PANK1: variants seen among roughly 807,000 people sequenced by gnomAD.
The protein encoded by PANK1 is pantothenate kinase 1.
A neutral mutation model predicts 40.1 loss-of-function variants in PANK1; 18 were observed. The ratio of observed to expected loss-of-function variants is 0.45; its 90% CI spans 0.31 to 0.67. The LOEUF is 0.67. PANK1 is among the 30% of genes least tolerant of loss of function. PANK1 has a pLI of 0.06. For synonymous variants in PANK1, 242 were observed against 237.7 expected, an observed-to-expected ratio of 1.02 and a Z score of -0.17; for missense variants, 457 against 599.6, an observed-to-expected ratio of 0.76 and a Z score of 2.48.
Position 89,588,793 on chromosome 10 carries a change from A to G in PANK1, c.1201-16T>C. The G allele has an allele frequency of 6.4e-7, 1 of 1,562,740 alleles. No individual in the cohort carries two copies. Among genetic ancestry groups the G allele is most frequent in the African/African-American group, 1.4e-5 (1 of 72,780 alleles). ...TGTCTATGTTCTGGAAAAAATATTAAAGAAAACAATTGAATCATGGCATAA... is the reference window on the plus strand; with the variant it reads ...TGTCTATGTTCTGGAAAAAATATTAGAGAAAACAATTGAATCATGGCATAA... On this transcript the variant is annotated splice_polypyrimidine_tract_variant and intron_variant, in intron 5 of 6. Transcript: ENST00000307534.
At chr10:89,589,115 T>C (rs894247353) in intron 5 of PANK1, among the ~76,000 whole-genome samples, 2 of 152,188 alleles carry the variant, frequency 1.3e-5, no homozygotes, top group Non-Finnish European at 2.9e-5. Context: ...AATTTTCATG[T>C]GTAATACCTC....
At chr10:89,598,797 A>T (rs1227117815) in intron 3 of PANK1, among the ~76,000 whole-genome samples, 1 of 151,224 alleles carries the variant, frequency 6.6e-6, no homozygotes, top group South Asian at 2.1e-4. Flanking sequence ...GGCTGAGGGT[A>T]AAAAAACATT....
chr10:89,609,019 G>T (rs1054277158), intron 2 of PANK1, among the ~76,000 whole-genome samples: 3 of 152,164 alleles, frequency 2.0e-5, no homozygotes, highest in South Asian at 2.1e-4. Context: ...CTTTGCCCTG[G>T]TTTTTTCCCT....
chr10:89,644,021 C>T, intron 1 of PANK1: 1 of 380,520 alleles, frequency 2.6e-6, no homozygotes, highest in Non-Finnish European at 4.4e-6. Context: ...GTGTGTCCCT[C>T]CCAAAAAACC....
intron 1 of PANK1, chr10:89,625,686 A>G (rs1260438648): frequency 6.6e-6 from 1 of 152,018 alleles, no homozygotes; most frequent in African/African-American, 2.4e-5. Context: ...AAATAGAAAC[A>G]CCAACATGAA....
chr10:89,588,442 AAAATT>A lies in PANK1; in HGVS notation c.1326+205_1326+209del, dbSNP rs563285608. On this transcript the variant is annotated intron_variant, in intron 6 of 6. Coordinates refer to ENST00000307534, the MANE Select transcript of PANK1 (RefSeq NM_148977.3). ...ATTTACATTTCCAGTGACTTTTTAAAAAATTAAATTAACCAACTACCAGTCCTGGT... is the reference window on the plus strand; with the variant it reads ...ATTTACATTTCCAGTGACTTTTTAAAAAATTAACCAACTACCAGTCCTGGT... 5.0e-3 allele frequency among the ~76,000 whole-genome samples: 764 copies of A among 152,328 alleles called. 5 individuals carry two copies. The highest frequency in any genetic ancestry group is 6.5e-3 in the Non-Finnish European group (440 of 68,016).
intron 1 of PANK1, among the ~76,000 whole-genome samples, chr10:89,635,995 G>A (rs1841793687): frequency 6.6e-6 from 1 of 152,228 alleles, no homozygotes; most frequent in Non-Finnish European, 1.5e-5. Flanking sequence ...CAGGTAGGCA[G>A]GCCTACCCCT....
rs1330533661 is a variant in PANK1, at chr10:89,644,841, C to A, written c.51G>T (p.Gly17=). The A allele has an allele frequency of 1.4e-6, 2 of 1,469,606 alleles. No homozygotes were observed. Among genetic ancestry groups the A allele is most frequent in the Non-Finnish European group, 8.9e-7 (1 of 1,118,332 alleles). The allele number at this position is 1,469,606 out of a possible 1,614,324, so 91.0% of individuals were successfully genotyped here. The change falls in exon 1 of 7, where the codon GGG becomes GGT. Residue 17 remains glycine (G), a synonymous_variant. Coordinates refer to ENST00000307534, the MANE Select transcript of PANK1 (RefSeq NM_148977.3). ...CGGCGGCGCTGGTGCCCACGGGGGC[C>A]CCTGGAGAGTGCGGGACCGAGCGCT... is the stretch of plus-strand genomic sequence containing the variant. ...QQERSVPHSP[G]APVGTSAAAV...
rs772952490 is a variant in PANK1 at position 89,645,172 on chromosome 10, C to A, written c.-281G>T. The A allele has an allele frequency of 4.5e-6, 7 of 1,557,562 alleles. No homozygotes were observed. The highest frequency in any genetic ancestry group is 8.7e-7 in the Non-Finnish European group (1 of 1,155,472). ...GATCCCCGCGCACCCCCAGCCGGGG[C>A]TCCCGCCGCCCGCCTTCCCCTGATC... On this transcript the variant is annotated 5_prime_UTR_variant, in exon 1 of 7. Coordinates refer to ENST00000307534, the MANE Select transcript of PANK1 (RefSeq NM_148977.3).
rs1164847314 is a variant in PANK1 at position 89,588,683 on chromosome 10, C to T, written c.1295G>A (p.Gly432Glu). 1 of 1,605,182 alleles carries T rather than the reference C, an allele frequency of 6.2e-7. No individual in the cohort carries two copies. The highest frequency in any genetic ancestry group is 2.2e-5 in the East Asian group (1 of 44,456). ...TTCCAAAAACAGAGCTTTCAGTTGT[C>T]CTTTGGACCAAAAATCCATGGCATA... ...LAYAMDFWSK[G>E]QLKALFLEHE... The change falls in exon 6 of 7, where the codon GGA becomes GAA. Residue 432 changes from glycine to glutamate, a missense_variant. Physicochemically the swap from Gly to Glu is moderately conservative, Grantham distance 98. Transcript: ENST00000307534.
chr10:89,613,863 G>A (rs745745673), intron 1 of PANK1: 1 of 414,666 alleles, frequency 2.4e-6, no homozygotes, highest in Non-Finnish European at 4.8e-6. Context: ...TAAAGCCCCA[G>A]ACTGGGATTC....
At chr10:89,634,815 A>C (rs919894303) in intron 1 of PANK1, among the ~76,000 whole-genome samples, 2 of 152,190 alleles carry the variant, frequency 1.3e-5, no homozygotes, top group Non-Finnish European at 2.9e-5. Context: ...CTTATTCACT[A>C]ATTTGCCAGC....
chr10:89,619,566 G>A (rs1448551269), intron 1 of PANK1, among the ~76,000 whole-genome samples: 3 of 152,130 alleles, frequency 2.0e-5, no homozygotes, highest in Non-Finnish European at 2.9e-5. Flanking sequence ...TGTTCCTGGC[G>A]AGTGTTCCTG....
chr10:89,628,149 A>G (rs1025643316), intron 1 of PANK1, among the ~76,000 whole-genome samples: 15 of 152,252 alleles, frequency 9.9e-5, no homozygotes, highest in Non-Finnish European at 7.3e-5. Context: ...AAGAGTTACT[A>G]TATGATCTAG....
At chr10:89,601,699 T>C in intron 2 of PANK1, among the ~76,000 whole-genome samples, 1 of 152,226 alleles carries the variant, frequency 6.6e-6, no homozygotes, top group Non-Finnish European at 1.5e-5. Context: ...ACATTCTAAA[T>C]GACCCATGGT....
intron 2 of PANK1, among the ~76,000 whole-genome samples, chr10:89,606,500 A>G (rs1844969744): frequency 6.6e-6 from 1 of 151,988 alleles, no homozygotes; most frequent in African/African-American, 2.4e-5. Flanking sequence ...TCACAAACCA[A>G]CAACCTCTGC....
intron 1 of PANK1, among the ~76,000 whole-genome samples, chr10:89,628,591 T>G (rs1841542875): frequency 4.6e-5 from 7 of 152,180 alleles, no homozygotes; most frequent in Admixed American, 4.6e-4. Context: ...TAAAGTTAAT[T>G]GTGATAGTTG....
intron 1 of PANK1, among the ~76,000 whole-genome samples, chr10:89,624,286 A>G (rs1589805445): frequency 6.6e-6 from 1 of 152,368 alleles, no homozygotes; most frequent in South Asian, 2.1e-4. Flanking sequence ...TTAGGCACCC[A>G]TGAAAATAAT....
At chr10:89,619,657 T>C (rs1156485387) in intron 1 of PANK1, among the ~76,000 whole-genome samples, 2 of 152,202 alleles carry the variant, frequency 1.3e-5, no homozygotes, top group Non-Finnish European at 2.9e-5. Flanking sequence ...TGGGCATGGA[T>C]CTGACTCAGC....
Sources: gnomAD v4.1 joint callset for allele counts (sites outside exome capture counted in the v4.1 genomes callset) on GRCh38, gnomAD v4.1.1 for gene constraint, MANE v1.5 for transcripts, NCBI Gene and HGNC (gene_info 2026-07-23, HGNC 2026-07-21) for gene names.